The following NTM variants were observed in gnomAD, a reference collection of about 807,000 sequenced individuals.
NTM encodes the protein neurotrimin.
In NTM, 13 loss-of-function variants were observed where a neutral mutation model predicts 42.1. That is an observed-to-expected ratio of 0.31 (90% confidence interval 0.20 to 0.49). NTM has a LOEUF of 0.49. NTM is among the 20% of genes least tolerant of loss of function. The pLI is 0.99. For missense variants in NTM, 373 were observed against 452.8 expected, an observed-to-expected ratio of 0.82 and a Z score of 1.60; for synonymous variants, 187 against 179.2, an observed-to-expected ratio of 1.04 and a Z score of -0.35.
At chr11:132,284,021 C>T (rs1186526967) in intron 4 of NTM, among the ~76,000 whole-genome samples, 2 of 152,182 alleles carry the variant, frequency 1.3e-5, no homozygotes, top group Non-Finnish European at 2.9e-5. Context: ...ATGCCCAGTG[C>T]TTGTAGAAAG....
At chr11:131,658,461 T>C (rs1029395459) in intron 1 of NTM, among the ~76,000 whole-genome samples, 5 of 152,214 alleles carry the variant, frequency 3.3e-5, no homozygotes, top group African/African-American at 9.6e-5. Flanking sequence ...AGCTCTTACA[T>C]TCGTGAACCT....
At chr11:131,854,010 T>G (rs10736602) in intron 1 of NTM, among the ~76,000 whole-genome samples, 111,986 of 152,172 alleles carry the variant, frequency 0.74, 41,365 homozygotes, top group Admixed American at 0.76. Context: ...CATTAGAAGG[T>G]CCTGGAGTAG....
intron 4 of NTM, among the ~76,000 whole-genome samples, chr11:132,256,047 C>T (rs1056558476): frequency 3.9e-5 from 6 of 152,218 alleles, no homozygotes; most frequent in African/African-American, 1.4e-4. Flanking sequence ...TCTATCCCTG[C>T]ACCACATCTG....
chr11:131,814,809 C>A (rs1335476129), intron 1 of NTM, among the ~76,000 whole-genome samples: 1 of 152,144 alleles, frequency 6.6e-6, no homozygotes, highest in Non-Finnish European at 1.5e-5. Flanking sequence ...CTCACTCCAG[C>A]GTCCAGTCTA....
chr11:132,209,260 G>T (rs1386431486), intron 3 of NTM, among the ~76,000 whole-genome samples: 1 of 152,220 alleles, frequency 6.6e-6, no homozygotes, highest in Non-Finnish European at 1.5e-5. Flanking sequence ...CTTTTAAAAT[G>T]ATATAACCAT....
At chr11:132,178,356 A>G (rs1164060304) in intron 3 of NTM, among the ~76,000 whole-genome samples, 2 of 152,248 alleles carry the variant, frequency 1.3e-5, no homozygotes, top group Non-Finnish European at 2.9e-5. Context: ...AAAATGCCAT[A>G]TAAGTAAACA....
At chr11:131,781,982 T>A (rs1467553120) in intron 1 of NTM, among the ~76,000 whole-genome samples, 3 of 152,220 alleles carry the variant, frequency 2.0e-5, no homozygotes, top group African/African-American at 4.8e-5. Flanking sequence ...GCACACAGCA[T>A]GGTGGAGGAC....
intron 1 of NTM, among the ~76,000 whole-genome samples, chr11:131,627,431 C>T (rs2063229190): frequency 6.6e-6 from 1 of 152,022 alleles, no homozygotes; most frequent in African/African-American, 2.4e-5. Flanking sequence ...AGATAGTAGA[C>T]TAAACTGGAA....
chr11:131,881,340 T>A (rs999572013), intron 1 of NTM, among the ~76,000 whole-genome samples: 1 of 152,202 alleles, frequency 6.6e-6, no homozygotes, highest in Non-Finnish European at 1.5e-5. Flanking sequence ...GAAAGGTACA[T>A]GGATTTGAAA....
chr11:131,752,434 G>T (rs1297596776), intron 1 of NTM, among the ~76,000 whole-genome samples: 1 of 152,210 alleles, frequency 6.6e-6, no homozygotes, highest in African/African-American at 2.4e-5. Context: ...CTTTTACATC[G>T]CTGGTGGGAC....
rs1230814286 is a variant in NTM at position 131,590,661 on chromosome 11, A to G, written c.82+219773A>G. Among the ~76,000 whole-genome samples the G allele has an allele frequency of 2.6e-5, 4 of 152,252 alleles. No homozygotes were observed. The East Asian group carries it at 7.7e-4, about 29-fold the overall frequency. On this transcript the variant is annotated intron_variant, in intron 1 of 8. Coordinates refer to ENST00000683400, the MANE Select transcript of NTM (RefSeq NM_001352005.2). ...CTTCTTTGAATGCTTGCTCACGGCC[A>G]GACACTGTGTAAGGGCTTTAGAATA...
chr11:131,815,593 G>T (rs1390167236), intron 1 of NTM, among the ~76,000 whole-genome samples: 1 of 152,150 alleles, frequency 6.6e-6, no homozygotes, highest in East Asian at 1.9e-4. Flanking sequence ...CCTGTGCTCT[G>T]CAGAGGAAAG....
intron 1 of NTM, among the ~76,000 whole-genome samples, chr11:131,562,316 T>C (rs1357005707): frequency 6.6e-6 from 1 of 151,628 alleles, no homozygotes; most frequent in African/African-American, 2.4e-5. Context: ...AGCTACAGAG[T>C]TGTGAAGGAG....
intron 4 of NTM, among the ~76,000 whole-genome samples, chr11:132,277,432 T>C (rs1325237331): frequency 6.6e-6 from 1 of 152,188 alleles, no homozygotes; most frequent in East Asian, 1.9e-4. Context: ...TAAAAAGAGA[T>C]GAAAGGTGGC....
intron 1 of NTM, among the ~76,000 whole-genome samples, chr11:131,636,388 C>G (rs992931945): frequency 2.0e-5 from 3 of 152,184 alleles, no homozygotes; most frequent in Non-Finnish European, 2.9e-5. Context: ...TACTCAGGCC[C>G]AGCGTTCCTC....
At chr11:131,789,606 A>AG (rs2090395900) in intron 1 of NTM, among the ~76,000 whole-genome samples, 2 of 83,780 alleles carry the variant, frequency 2.4e-5, no homozygotes, top group Non-Finnish European at 4.7e-5. Context: ...AAGAAGAAGA[A>AG]GAAGAAGAAG....
At chr11:131,414,381 C>T (rs1025285153) in intron 1 of NTM, among the ~76,000 whole-genome samples, 11 of 152,184 alleles carry the variant, frequency 7.2e-5, no homozygotes, top group African/African-American at 2.2e-4. Context: ...AGCTTACACT[C>T]TGCTGGGACC....
At chr11:131,902,378 CT>C (rs899029800) in intron 1 of NTM, among the ~76,000 whole-genome samples, 2 of 152,220 alleles carry the variant, frequency 1.3e-5, no homozygotes, top group Non-Finnish European at 2.9e-5. Context: ...CTCACTGGTG[CT>C]TTGTCCCCTC....
intron 1 of NTM, among the ~76,000 whole-genome samples, chr11:131,741,162 T>TGAGAGAGAGAGAGAGAGAGA (rs71067330): frequency 2.3e-5 from 3 of 129,754 alleles, no homozygotes; most frequent in African/African-American, 9.1e-5. Flanking sequence ...AAGACCCCGT[T>TGAGAGAGAGAGAGAGAGAGA]GAGAGAGAGA....
Sources: allele counts gnomAD v4.1 joint callset (sites outside exome capture counted in the v4.1 genomes callset), GRCh38; gene constraint gnomAD v4.1.1; transcripts MANE v1.5; gene names NCBI Gene and HGNC (gene_info 2026-07-23, HGNC 2026-07-21).